The following CSMD1 variants were observed in gnomAD, a reference collection of about 807,000 sequenced individuals.
CSMD1 encodes CUB and sushi domain-containing protein 1.
In CSMD1, 213 loss-of-function variants were observed where a neutral mutation model predicts 417.5. That is an observed-to-expected ratio of 0.51 (90% confidence interval 0.46 to 0.57). The LOEUF (loss-of-function observed/expected upper bound fraction) is 0.57. CSMD1 is among the 20% of genes least tolerant of loss of function. The pLI, the probability that CSMD1 is intolerant of heterozygous loss-of-function variation, is 0.00. For missense variants in CSMD1, 6,923 were observed against 4,529.7 expected (o/e 1.53, Z -15.17); for synonymous variants, 2,862 against 1,736.8 (o/e 1.65, Z -16.11).
rs1290263754 is a variant in CSMD1 at position 3,142,679 on chromosome 8, G to A, written c.6032-5C>T. The A allele has an allele frequency of 1.3e-6, 2 of 1,599,918 alleles. No individual in the cohort carries two copies. Among genetic ancestry groups the A allele is most frequent in the African/African-American group, 2.7e-5 (2 of 74,608 alleles). On this transcript the variant is annotated splice_polypyrimidine_tract_variant and splice_region_variant and intron_variant, in intron 40 of 69. Coordinates refer to ENST00000635120, the MANE Select transcript of CSMD1 (RefSeq NM_033225.6). The stretch of plus-strand genomic sequence containing the variant: ...TCAGAAACTGAATATGTGCACCTAT[G>A]GAAAAACATGCAAACTTAATGAAAG...
chr8:4,151,116 A>C (rs184775792), intron 3 of CSMD1, among the ~76,000 whole-genome samples: 2 of 152,320 alleles, frequency 1.3e-5, no homozygotes, highest in Admixed American at 6.5e-5. Context: ...AGCAGAAGAT[A>C]TTAGGATCCC....
chr8:4,392,898 G>A (rs904307509), intron 3 of CSMD1, among the ~76,000 whole-genome samples: 2 of 151,918 alleles, frequency 1.3e-5, no homozygotes, highest in South Asian at 2.1e-4. Flanking sequence ...GAACCCAGGA[G>A]ACGGAGCTTG....
At chr8:4,263,518 C>T (rs1235798394) in intron 3 of CSMD1, among the ~76,000 whole-genome samples, 1 of 152,168 alleles carries the variant, frequency 6.6e-6, no homozygotes, top group African/African-American at 2.4e-5. Context: ...TAATTTACTT[C>T]TCTGGCACTT....
At chr8:4,880,371 A>T (rs890962725) in intron 1 of CSMD1, among the ~76,000 whole-genome samples, 1 of 152,052 alleles carries the variant, frequency 6.6e-6, no homozygotes, top group African/African-American at 2.4e-5. Flanking sequence ...CTGAACACAC[A>T]AACCACTTGT....
intron 5 of CSMD1, among the ~76,000 whole-genome samples, chr8:3,927,580 G>A (rs570301702): frequency 1.3e-4 from 19 of 149,634 alleles, no homozygotes; most frequent in East Asian, 7.7e-4. Context: ...CAGGAGAATC[G>A]CTTGAAACTG....
chr8:3,625,807 A>T (rs532434931), intron 7 of CSMD1, among the ~76,000 whole-genome samples: 2 of 152,264 alleles, frequency 1.3e-5, no homozygotes, highest in African/African-American at 4.8e-5. Flanking sequence ...TATTTTTAAC[A>T]TCGCCTGCCC....
chr8:3,653,102 C>T (rs966669482), intron 7 of CSMD1, among the ~76,000 whole-genome samples: 1 of 152,010 alleles, frequency 6.6e-6, no homozygotes, highest in East Asian at 1.9e-4. Flanking sequence ...CTTCCAGCCT[C>T]CATGCATATG....
intron 52 of CSMD1, among the ~76,000 whole-genome samples, chr8:3,000,861 G>C (rs187702775): frequency 1.4e-3 from 217 of 152,290 alleles, no homozygotes; most frequent in Non-Finnish European, 1.5e-3. Flanking sequence ...TACTTAAGGG[G>C]AGACAGAATG....
At position 3,720,086 on chromosome 8, in the gene CSMD1, T is replaced by C. The variant is rs1201742754; in HGVS notation, c.932-11595A>G. 5.3e-5 allele frequency among the ~76,000 whole-genome samples: 8 copies of C among 152,204 alleles called. No homozygotes were observed. The East Asian group carries it at 1.5e-3, about 29-fold the overall frequency. ...ATACTTCTCAGAAAATGAAGAACTT[T>C]CCAAGTCTTTGTTACATTCAACGTG... On this transcript the variant is annotated intron_variant, in intron 6 of 69. Transcript: ENST00000635120.
intron 38 of CSMD1, among the ~76,000 whole-genome samples, chr8:3,159,968 C>G (rs1386988733): frequency 3.3e-5 from 5 of 152,110 alleles, no homozygotes; most frequent in Admixed American, 3.3e-4. Context: ...GCAAATATTA[C>G]AGTTTGGGAA....
At chr8:4,037,783 T>G (rs1797694864) in intron 3 of CSMD1, among the ~76,000 whole-genome samples, 1 of 152,152 alleles carries the variant, frequency 6.6e-6, no homozygotes. Context: ...TCTGAGGGCC[T>G]TGAACCATTC....
At chr8:4,131,884 TC>T (rs1222360137) in intron 3 of CSMD1, among the ~76,000 whole-genome samples, 1 of 150,066 alleles carries the variant, frequency 6.7e-6, no homozygotes, top group African/African-American at 2.4e-5. Flanking sequence ...TGCCTTAGTC[TC>T]CCATGTAGCT....
intron 25 of CSMD1, among the ~76,000 whole-genome samples, chr8:3,306,604 T>TGGAG (rs1406300638): frequency 1.3e-5 from 2 of 152,106 alleles, no homozygotes; most frequent in East Asian, 3.9e-4. Flanking sequence ...TTAAGGCTAT[T>TGGAG]GGAGGTCAGA....
At chr8:3,610,464 G>A (rs1349861212) in intron 8 of CSMD1, among the ~76,000 whole-genome samples, 7 of 50,150 alleles carry the variant, frequency 1.4e-4, no homozygotes, top group African/African-American at 2.6e-4. Flanking sequence ...GAGCCCTGGA[G>A]TTCGAGATTA....
intron 5 of CSMD1, among the ~76,000 whole-genome samples, chr8:3,787,672 G>C (rs766973315): frequency 6.6e-6 from 1 of 152,010 alleles, no homozygotes; most frequent in African/African-American, 2.4e-5. Context: ...ATTTAGTATT[G>C]TTTACAAATT....
In CSMD1 at chr8:4,135,979, T is replaced by C. The variant is rs1025831018; in HGVS notation, c.416-103880A>G. Among the ~76,000 whole-genome samples the C allele has an allele frequency of 2.6e-5, 4 of 152,184 alleles. No homozygotes were observed. The South Asian group carries it at 8.3e-4, about 31-fold the overall frequency. ...GTTAAGTCAAATACTGTGGAAGTCCTAGTCATTTTCATCACAAATTGAATT... is the reference window on the plus strand; with the variant it reads ...GTTAAGTCAAATACTGTGGAAGTCCCAGTCATTTTCATCACAAATTGAATT... On this transcript the variant is annotated intron_variant, in intron 3 of 69. Transcript: ENST00000635120.
intron 2 of CSMD1, among the ~76,000 whole-genome samples, chr8:4,619,798 C>T (rs964768952): frequency 6.6e-6 from 1 of 152,046 alleles, no homozygotes; most frequent in African/African-American, 2.4e-5. Flanking sequence ...ATTCATATCA[C>T]ATAGCACATA....
intron 1 of CSMD1, among the ~76,000 whole-genome samples, chr8:4,665,883 G>T (rs1281746822): frequency 1.3e-5 from 2 of 152,148 alleles, no homozygotes; most frequent in South Asian, 4.1e-4. Flanking sequence ...GGAAGACCTT[G>T]CAGGATTGTA....
chr8:3,080,565 C>A (rs961451400), intron 49 of CSMD1, among the ~76,000 whole-genome samples: 4 of 152,164 alleles, frequency 2.6e-5, no homozygotes, highest in African/African-American at 9.7e-5. Context: ...AAGCTAATTG[C>A]GAGCCATCAA....
Sources: gnomAD v4.1 joint callset for allele counts (sites outside exome capture counted in the v4.1 genomes callset) on GRCh38, gnomAD v4.1.1 for gene constraint, MANE v1.5 for transcripts, NCBI Gene and HGNC (gene_info 2026-07-23, HGNC 2026-07-21) for gene names.